Variants in SYCP2 observed in about 807,000 individuals in gnomAD.
SYCP2 encodes the protein synaptonemal complex protein 2, also known as synaptonemal complex lateral element protein.
A neutral mutation model predicts 211.3 loss-of-function variants in SYCP2; 55 were observed. The observed-to-expected ratio is 0.26, with a 90% CI of 0.21 to 0.33. SYCP2 has a LOEUF of 0.33. Among genes scored for constraint, SYCP2 ranks in the 10% least tolerant of loss-of-function variants. SYCP2 has a pLI of 1.00. For missense variants in SYCP2, 1,731 were observed against 1,752.0 expected (o/e 0.99, Z 0.21); for synonymous variants, 570 against 555.2 (o/e 1.03, Z -0.37).
At chr20:59,926,753 G>C (rs778566821) in intron 2 of SYCP2, among the ~76,000 whole-genome samples, 66 of 152,108 alleles carry the variant, frequency 4.3e-4, no homozygotes, top group Non-Finnish European at 7.8e-4. Flanking sequence ...AAAAGTTGAG[G>C]TTTTGAATGT....
intron 7 of SYCP2, among the ~76,000 whole-genome samples, chr20:59,918,475 G>T (rs990507550): frequency 1.3e-5 from 2 of 152,142 alleles, no homozygotes; most frequent in Non-Finnish European, 2.9e-5. Context: ...GGGCTTTGTT[G>T]TAAGTACAAA....
intron 7 of SYCP2, among the ~76,000 whole-genome samples, chr20:59,918,499 T>C (rs917982378): frequency 7.2e-5 from 11 of 152,194 alleles, no homozygotes; most frequent in African/African-American, 2.7e-4. Context: ...AATTTCCACA[T>C]TTCAAAATCC....
At chr20:59,920,239 TC>T in intron 5 of SYCP2, 119 bp downstream of exon 5, 1 of 864,620 alleles carries the variant, frequency 1.2e-6, no homozygotes, top group South Asian at 2.0e-5. Flanking sequence ...AATGTTTTAT[TC>T]CCAAAATTGT....
chr20:59,894,171 C>T (rs1213088517), intron 20 of SYCP2, among the ~76,000 whole-genome samples: 1 of 151,912 alleles, frequency 6.6e-6, no homozygotes, highest in Non-Finnish European at 1.5e-5. Flanking sequence ...AAAATATTCC[C>T]TTTAGTCTAA....
intron 35 of SYCP2, among the ~76,000 whole-genome samples, chr20:59,873,391 C>A (rs1247049183): frequency 6.6e-6 from 1 of 152,128 alleles, no homozygotes; most frequent in Non-Finnish European, 1.5e-5. Flanking sequence ...GACTAACAGG[C>A]AGGTAGGGTA....
chr20:59,901,468 ATC>A (rs1365393774), intron 16 of SYCP2, among the ~76,000 whole-genome samples, 192 bp downstream of exon 16: 1 of 152,096 alleles, frequency 6.6e-6, no homozygotes, highest in Non-Finnish European at 1.5e-5. Flanking sequence ...TAATTTTGTC[ATC>A]TGAGATACTT....
At chr20:59,925,157 T>C (rs755665404) in intron 2 of SYCP2, among the ~76,000 whole-genome samples, 2 of 151,884 alleles carry the variant, frequency 1.3e-5, no homozygotes, top group Non-Finnish European at 2.9e-5. Context: ...AATCAGAAAC[T>C]CTTGTTCAAT....
In SYCP2 at chr20:59,863,804, T is replaced by C. The variant is rs1198129484; in HGVS notation, c.*507A>G. The C allele has an allele frequency of 6.6e-6, 1 of 151,988 alleles. No individual in the cohort carries two copies. The highest frequency in any genetic ancestry group is 1.5e-5 in the Non-Finnish European group (1 of 67,910). 9.4% of individuals were successfully genotyped at this position (151,988 alleles called of 1,614,324 possible). ...CTTCCTAATACATTAGAGCCATATC[T>C]GAATAAATGTTTCCAACAGTGTGCT... On this transcript the variant is annotated 3_prime_UTR_variant, in exon 45 of 45. Coordinates refer to ENST00000357552, the MANE Select transcript of SYCP2 (RefSeq NM_014258.4).
chr20:59,932,392 T>A (rs917475237), intron 1 of SYCP2, among the ~76,000 whole-genome samples: 1 of 152,042 alleles, frequency 6.6e-6, no homozygotes, highest in Non-Finnish European at 1.5e-5. Context: ...CTAAAAAATG[T>A]AGGCCGGGCG....
intron 2 of SYCP2, among the ~76,000 whole-genome samples, chr20:59,924,868 T>C (rs1177037759): frequency 6.6e-6 from 1 of 151,914 alleles, no homozygotes; most frequent in Non-Finnish European, 1.5e-5. Context: ...TGACTTATGA[T>C]CAAGGTAGAA....
Position 59,901,698 on chromosome 20 carries a change from A to T in SYCP2, c.1146T>A (p.Asn382Lys). 1 of 1,597,812 alleles carries T rather than the reference A, an allele frequency of 6.3e-7. No individual in the cohort carries two copies. The highest frequency in any genetic ancestry group is 8.5e-7 in the Non-Finnish European group (1 of 1,171,912). Residue 382 changes from asparagine to lysine, a missense_variant, in exon 16 of 45, where the codon AAT becomes AAA. Coordinates refer to ENST00000357552, the MANE Select transcript of SYCP2 (RefSeq NM_014258.4). ...TTGCACCAAAAATTTTTTGAGTTAC[A>T]TTAGTGATTTCTAGTGATGCGTCAA... ...LYFDASLEITNVTQKIFGATK... is the reference protein window; with the variant it reads ...LYFDASLEITKVTQKIFGATK...
chr20:59,899,400 C>T (rs1413362708), intron 18 of SYCP2, among the ~76,000 whole-genome samples: 2 of 152,054 alleles, frequency 1.3e-5, no homozygotes, highest in Admixed American at 6.6e-5. Context: ...TACAGAAAAA[C>T]AAGTAGAGAT....
rs1601000193 is a variant in SYCP2, at chr20:59,925,931, C to T, written c.-46-3472G>A. On this transcript the variant is annotated intron_variant, in intron 2 of 44. Transcript: ENST00000357552. ...ACCTCACTAGTTTGTCAAAACCTCA[C>T]AGAGAACTGTGGAAATAATAGCTCT... 2.6e-5 allele frequency among the ~76,000 whole-genome samples: 4 copies of T among 152,132 alleles called. 1 individual carries two copies. Among genetic ancestry groups the T allele is most frequent in the Admixed American group, 2.6e-4 (4 of 15,260 alleles).
intron 15 of SYCP2, among the ~76,000 whole-genome samples, chr20:59,903,939 A>G (rs1030815730): frequency 6.6e-6 from 1 of 152,096 alleles, no homozygotes; most frequent in African/African-American, 2.4e-5. Context: ...TTAAAATATC[A>G]TATGTTTAAA....
intron 31 of SYCP2, among the ~76,000 whole-genome samples, chr20:59,879,460 G>C (rs185686493): frequency 6.6e-6 from 1 of 151,976 alleles, no homozygotes; most frequent in African/African-American, 2.4e-5. Flanking sequence ...GAAAGCTGAT[G>C]CCCTTAAAAT....
chr20:59,879,842 T>TAA (rs2059636839), intron 31 of SYCP2, among the ~76,000 whole-genome samples: 1 of 125,942 alleles, frequency 7.9e-6, no homozygotes, highest in Non-Finnish European at 1.6e-5. Flanking sequence ...TATATATATA[T>TAA]ATATATATAT....
chr20:59,927,309 T>C (rs981736582), intron 2 of SYCP2, among the ~76,000 whole-genome samples: 1 of 152,178 alleles, frequency 6.6e-6, no homozygotes, highest in Non-Finnish European at 1.5e-5. Context: ...AGAAAATCTT[T>C]ACATTCAAAT....
At chr20:59,909,679 C>CCT (rs2060279139) in intron 14 of SYCP2, among the ~76,000 whole-genome samples, 1 of 152,214 alleles carries the variant, frequency 6.6e-6, no homozygotes, top group South Asian at 2.1e-4. Flanking sequence ...TCCCCTATGC[C>CCT]CTCTGTACAT....
intron 20 of SYCP2, among the ~76,000 whole-genome samples, chr20:59,894,735 A>C (rs2059975773): frequency 6.6e-6 from 1 of 151,992 alleles, no homozygotes; most frequent in Admixed American, 6.6e-5. Context: ...CACCATCTTC[A>C]CACTTCAGAA....
Sources: gnomAD v4.1 joint callset for allele counts (sites outside exome capture counted in the v4.1 genomes callset) on GRCh38, gnomAD v4.1.1 for gene constraint, MANE v1.5 for transcripts, NCBI Gene and HGNC (gene_info 2026-07-23, HGNC 2026-07-21) for gene names.